Variants in SAMD5 observed in about 807,000 individuals in gnomAD.
SAMD5 encodes sterile alpha motif domain containing 5, also known as sterile alpha motif domain-containing protein 5.
Under a neutral mutation model 11.3 loss-of-function variants are expected in SAMD5, and 13 were observed. That is an observed-to-expected ratio of 1.15 (90% confidence interval 0.75 to 1.83). The LOEUF (loss-of-function observed/expected upper bound fraction) is 1.83, where lower values mean the gene tolerates loss of function less well. Ranked by LOEUF, SAMD5 falls within the 40% of genes most tolerant of loss-of-function variation. SAMD5 has a pLI of 0.00. For synonymous variants in SAMD5, 129 were observed against 111.3 expected (o/e 1.16, Z -1.00); for missense variants, 255 against 239.1 (o/e 1.07, Z -0.44).
At chr6:147,834,119 A>AT in the SAMD5 span, among the ~76,000 whole-genome samples, 1,519 of 152,350 alleles carry the variant, frequency 1.0e-2, 17 homozygotes, top group Middle Eastern at 0.061. Context: ...ACACATTTAT[A>AT]TTTTTGAGCA....
the SAMD5 span, among the ~76,000 whole-genome samples, chr6:147,801,447 A>G: frequency 1.3e-5 from 2 of 152,130 alleles, no homozygotes; most frequent in African/African-American, 2.4e-5. Flanking sequence ...TGACAGAGGT[A>G]AACACAGGAA....
At chr6:147,525,134 T>C (rs1043811153) in intron 1 of SAMD5, among the ~76,000 whole-genome samples, 1 of 151,472 alleles carries the variant, frequency 6.6e-6, no homozygotes, top group Non-Finnish European at 1.5e-5. Flanking sequence ...AGTGGGTATG[T>C]CTTAGAGATT....
intron 1 of SAMD5, among the ~76,000 whole-genome samples, chr6:147,696,294 C>T (rs976679557): frequency 1.3e-5 from 2 of 152,120 alleles, no homozygotes; most frequent in Non-Finnish European, 2.9e-5. Flanking sequence ...TTACCTAATT[C>T]GACAAGTTAA....
chr6:147,577,698 A>G, intron 1 of SAMD5, among the ~76,000 whole-genome samples: 1 of 152,180 alleles, frequency 6.6e-6, no homozygotes, highest in East Asian at 1.9e-4. Flanking sequence ...TTGGCAAAAA[A>G]GTGATTTTTG....
At chr6:147,808,544 A>G in the SAMD5 span, among the ~76,000 whole-genome samples, 1 of 152,182 alleles carries the variant, frequency 6.6e-6, no homozygotes, top group Non-Finnish European at 1.5e-5. Context: ...ACTCAGTCTT[A>G]GCTTGTCGTG....
At chr6:147,888,126 T>C in the SAMD5 span, among the ~76,000 whole-genome samples, 675 of 152,308 alleles carry the variant, frequency 4.4e-3, 4 homozygotes, top group African/African-American at 0.015. Context: ...CTTACCAGTA[T>C]ATTCTAAAGA....
the SAMD5 span, among the ~76,000 whole-genome samples, chr6:147,774,772 A>G: frequency 5.9e-5 from 9 of 151,974 alleles, no homozygotes; most frequent in African/African-American, 2.2e-4. Flanking sequence ...GAATCTGTGG[A>G]TGTGGAACCC....
the SAMD5 span, among the ~76,000 whole-genome samples, chr6:147,764,405 C>T: frequency 2.0e-5 from 3 of 152,158 alleles, no homozygotes; most frequent in South Asian, 2.1e-4. Context: ...TTAATCTTTC[C>T]CAGAATATCT....
Position 147,509,329 on chromosome 6 carries a change from T to C in SAMD5, c.401T>C (p.Ile134Thr). The change falls in exon 1 of 2, where the codon ATC (isoleucine) becomes ACC (threonine). Residue 134 changes from isoleucine (I) to threonine (T), a missense_variant. Physicochemically the swap from Ile to Thr is moderately conservative, Grantham distance 89. Transcript: ENST00000367474. ...CCCAAACTGAAGCTGAAGATCATGA[T>C]CAGGGATAAGCTCGTCCGTGACGGC... is the stretch of plus-strand genomic sequence containing the variant. ...SYPKLKLKIM[I>T]RDKLVRDGIH... The C allele has an allele frequency of 6.3e-7, 1 of 1,582,134 alleles. No individual in the cohort carries two copies.
At chr6:147,843,799 G>T in the SAMD5 span, among the ~76,000 whole-genome samples, 9 of 152,072 alleles carry the variant, frequency 5.9e-5, no homozygotes, top group African/African-American at 1.9e-4. Context: ...ACATGCAGAA[G>T]AATGAAAATT....
chr6:147,643,654 T>C (rs731988), intron 1 of SAMD5, among the ~76,000 whole-genome samples: 2,798 of 152,058 alleles, frequency 0.018, 39 homozygotes, highest in Non-Finnish European at 0.029. Context: ...TAGTCTGAAG[T>C]ATTTTGTTAC....
At chr6:147,789,114 CCACCATCCAGGCACA>C in the SAMD5 span, among the ~76,000 whole-genome samples, 2 of 147,504 alleles carry the variant, frequency 1.4e-5, no homozygotes, top group African/African-American at 5.2e-5. Flanking sequence ...AAAAAAAACA[CCACCATCCAGGCACA>C]CTGGGTCATG....
chr6:147,679,474 T>C (rs2128456204), intron 1 of SAMD5, among the ~76,000 whole-genome samples: 1 of 152,300 alleles, frequency 6.6e-6, no homozygotes, highest in South Asian at 2.1e-4. Flanking sequence ...TCAAATATTT[T>C]GTCCATTTTT....
At chr6:147,704,884 T>C (rs1046386302) in intron 1 of SAMD5, among the ~76,000 whole-genome samples, 2 of 152,238 alleles carry the variant, frequency 1.3e-5, no homozygotes, top group Admixed American at 1.3e-4. Flanking sequence ...ACCAGTCTGG[T>C]TGAGATAGCA....
the SAMD5 span, among the ~76,000 whole-genome samples, chr6:147,812,691 A>C: frequency 6.6e-6 from 1 of 152,218 alleles, no homozygotes; most frequent in East Asian, 1.9e-4. Context: ...TAAGAGAGAC[A>C]GCAGCTCTAG....
At chr6:147,868,118 T>C in the SAMD5 span, among the ~76,000 whole-genome samples, 6 of 152,224 alleles carry the variant, frequency 3.9e-5, no homozygotes, top group African/African-American at 1.4e-4. Context: ...TGGAACAGAT[T>C]GATTTCCCTT....
Position 147,508,743 on chromosome 6 carries a change from T to G in SAMD5, c.-186T>G, listed in dbSNP as rs1788031184. ...GGAATTCACTTTGCTGCTTGTTCGC[T>G]TCTCCCTTCCTCAGGCTTCTTCTGA... On this transcript the variant is annotated 5_prime_UTR_variant, in exon 1 of 2. Transcript: ENST00000367474. 6.6e-6 allele frequency among the ~76,000 whole-genome samples: 1 copy of G among 152,192 alleles called. No homozygotes were observed. The highest frequency in any genetic ancestry group is 2.4e-5 in the African/African-American group (1 of 41,470).
At chr6:147,917,467 A>G in the SAMD5 span, among the ~76,000 whole-genome samples, 61 of 152,044 alleles carry the variant, frequency 4.0e-4, no homozygotes, top group Admixed American at 7.2e-4. Flanking sequence ...GCCCTTTGTC[A>G]GATAAGTAGG....
chr6:147,626,814 A>AAAAAAAAG, intron 1 of SAMD5, among the ~76,000 whole-genome samples: 1 of 145,722 alleles, frequency 6.9e-6, no homozygotes, highest in South Asian at 2.1e-4. Flanking sequence ...AAAAAAAAAA[A>AAAAAAAAG]AAAGAAAGAA....
Sources: allele counts gnomAD v4.1 joint callset (sites outside exome capture counted in the v4.1 genomes callset), GRCh38; gene constraint gnomAD v4.1.1; transcripts MANE v1.5; gene names NCBI Gene and HGNC (gene_info 2026-07-23, HGNC 2026-07-21).